RESF1: variants seen among roughly 807,000 people sequenced by gnomAD.
RESF1 encodes retroelement silencing factor 1.
RESF1 carries 65 observed loss-of-function variants against 134.7 expected under a neutral mutation model. That is an observed-to-expected ratio of 0.48 (90% CI 0.40 to 0.59). The LOEUF is 0.59. RESF1 is among the 20% of genes least tolerant of loss of function. The pLI is 0.00. For synonymous variants in RESF1, 762 were observed against 702.2 expected (o/e 1.09, Z -1.35); for missense variants, 2,274 against 2,002.7 (o/e 1.14, Z -2.59).
At chr12:31,979,195 C>T (rs1939713031) in intron 3 of RESF1, among the ~76,000 whole-genome samples, 1 of 152,204 alleles carries the variant, frequency 6.6e-6, no homozygotes, top group Admixed American at 6.5e-5. Context: ...GCTGGGATTA[C>T]AGGCGTGAGC....
Position 31,985,896 on chromosome 12 carries a change from C to T in RESF1, c.4941C>T (p.Asn1647=), listed in dbSNP as rs766334714. ...LCPDILLKNT[N]SVEERKDVKP... is the part of the protein sequence containing the mutation. The stretch of plus-strand genomic sequence containing the variant: ...CAGATATCTTACTAAAGAATACAAA[C>T]TCTGTGGAAGAACGGAAGGATGTAA... Residue 1647 remains asparagine, a synonymous_variant, in exon 4 of 6, where the codon AAC becomes AAT. Coordinates refer to ENST00000312561, the MANE Select transcript of RESF1 (RefSeq NM_018169.4). 4.6e-6 allele frequency: 7 copies of T among 1,524,376 alleles called. No homozygotes were observed. In the South Asian group the frequency reaches 9.5e-5, roughly 21 times the overall value. 94.4% of individuals were successfully genotyped at this position (1,524,376 alleles called of 1,614,324 possible). A position where few individuals can be genotyped will look rare whatever the true frequency, so the allele number is the denominator to read the frequency against.
intron 5 of RESF1, among the ~76,000 whole-genome samples, chr12:31,987,547 T>G (rs1224542688): frequency 6.6e-6 from 1 of 152,020 alleles, no homozygotes; most frequent in Non-Finnish European, 1.5e-5. Flanking sequence ...ATAAGTCTTA[T>G]CACAATGAGT....
intron 3 of RESF1, among the ~76,000 whole-genome samples, chr12:31,970,614 T>C (rs951074073): frequency 1.3e-5 from 2 of 152,234 alleles, no homozygotes; most frequent in Non-Finnish European, 2.9e-5. Flanking sequence ...TGGGGAGGTA[T>C]TGTGATACAA....
intron 2 of RESF1, among the ~76,000 whole-genome samples, chr12:31,966,348 G>A (rs967482255): frequency 7.2e-5 from 11 of 152,170 alleles, no homozygotes; most frequent in African/African-American, 1.4e-4. Flanking sequence ...CAGAATTCTC[G>A]TAGGGTAACT....
chr12:31,984,520 C>T lies in RESF1; in HGVS notation c.3565C>T (p.Gln1189Ter). The stretch of plus-strand genomic sequence containing the variant: ...GGTTTACGAAGGAGTACCCCAGTGT[C>T]AGTGTAATTCCATCAAGAACTCATC... ...SMVYEGVPQC[Q>*]CNSIKNSSSE... The change falls in exon 4 of 6, where the codon CAG (glutamine) becomes TAG (stop). Residue 1189 changes from glutamine to a stop codon, truncating the protein, a stop_gained. Transcript: ENST00000312561. LOFTEE classifies it high-confidence loss of function. The T allele has an allele frequency of 6.3e-7, 1 of 1,598,622 alleles. No homozygotes were observed. The highest frequency in any genetic ancestry group is 8.5e-7 in the Non-Finnish European group (1 of 1,171,910).
intron 5 of RESF1, among the ~76,000 whole-genome samples, chr12:31,988,280 C>G (rs374952880): frequency 2.0e-5 from 3 of 152,044 alleles, no homozygotes; most frequent in Non-Finnish European, 4.4e-5. Context: ...GTCAGCCCTC[C>G]GTATCTGCGT....
chr12:31,988,713 C>T (rs974009107), intron 5 of RESF1, among the ~76,000 whole-genome samples: 7 of 151,652 alleles, frequency 4.6e-5, no homozygotes, highest in South Asian at 4.2e-4. Flanking sequence ...TTTTTTGAGA[C>T]GGCATCTTGC....
chr12:31,964,184 C>T (rs144843541), intron 2 of RESF1, among the ~76,000 whole-genome samples: 51 of 147,672 alleles, frequency 3.5e-4, no homozygotes, highest in African/African-American at 1.0e-3. Context: ...TTTGGGGGTA[C>T]GTGTATAGGT....
At chr12:31,988,037 T>C (rs1415234114) in intron 5 of RESF1, among the ~76,000 whole-genome samples, 2 of 152,192 alleles carry the variant, frequency 1.3e-5, no homozygotes, top group African/African-American at 4.8e-5. Context: ...GCCTGGCCTC[T>C]AATTAAACTT....
At chr12:31,980,127 T>G (rs1258878754) in intron 3 of RESF1, among the ~76,000 whole-genome samples, 2 of 145,448 alleles carry the variant, frequency 1.4e-5, no homozygotes, top group Non-Finnish European at 3.0e-5. Context: ...TTTTTTTTTT[T>G]TGAAACAGAG....
chr12:31,962,604 C>G (rs979402984), intron 2 of RESF1: 1 of 152,084 alleles, frequency 6.6e-6, no homozygotes, highest in Non-Finnish European at 1.5e-5. Context: ...TTCATGATCG[C>G]AAAGATTTAA....
intron 3 of RESF1, among the ~76,000 whole-genome samples, chr12:31,972,864 T>G (rs1939543346): frequency 6.6e-6 from 1 of 152,198 alleles, no homozygotes; most frequent in East Asian, 1.9e-4. Context: ...ATAATTACAT[T>G]TACCTCTAAT....
intron 3 of RESF1, among the ~76,000 whole-genome samples, chr12:31,974,270 G>A (rs918772282): frequency 4.6e-5 from 7 of 151,854 alleles, no homozygotes; most frequent in African/African-American, 7.3e-5. Flanking sequence ...CAAAGACCAC[G>A]TATTAGTGCA....
chr12:31,962,220 TAAAA>T lies in RESF1; in HGVS notation c.-247+1364_-247+1367del, dbSNP rs33954876. ...GTAACAGAGCAAGATTCTGTCTTTT[TAAAA>T]AAAAAAAAAAAAAAGCATTTGTGAA... On this transcript the variant is annotated intron_variant, in intron 2 of 5. Coordinates refer to ENST00000312561, the MANE Select transcript of RESF1 (RefSeq NM_018169.4). Among the ~76,000 whole-genome samples, 12 of 132,664 alleles carry T rather than the reference TAAAA, an allele frequency of 9.0e-5. No individual in the cohort carries two copies. In the East Asian group the frequency reaches 2.6e-3, roughly 29 times the overall value. The allele number at this position is 132,664 out of a possible 152,430, so 87.0% of individuals were successfully genotyped here. A position where few individuals can be genotyped will look rare whatever the true frequency, so the allele number is the denominator to read the frequency against.
rs372445970 is a variant in RESF1 at position 31,985,919 on chromosome 12, T to C, written c.4964T>C (p.Val1655Ala). The part of the protein sequence containing the change: ...NTNSVEERKD[V>A]KPHPRKEQAP... ...AACTCTGTGGAAGAACGGAAGGATG[T>C]AAAGCCTCATCCTAGGAAGGAGCAA... Residue 1655 changes from valine to alanine, a missense_variant, in exon 4 of 6, where the codon GTA becomes GCA. By Grantham distance (64) the Val-to-Ala change is moderately conservative. Transcript: ENST00000312561. 6.6e-7 allele frequency: 1 copy of C among 1,507,520 alleles called. No homozygotes were observed. The highest frequency in any genetic ancestry group is 1.8e-4 in the Middle Eastern group (1 of 5,592). The allele number at this position is 1,507,520 out of a possible 1,614,324, so 93.4% of individuals were successfully genotyped here. A position where few individuals can be genotyped will look rare whatever the true frequency, so the allele number is the denominator to read the frequency against.
chr12:31,991,717 AT>A (rs1940095932), intron 5 of RESF1, among the ~76,000 whole-genome samples: 1 of 152,032 alleles, frequency 6.6e-6, no homozygotes, highest in Non-Finnish European at 1.5e-5. Flanking sequence ...TGCCCAGCTA[AT>A]TTTTGTATTT....
At chr12:31,966,263 C>T (rs964527228) in intron 2 of RESF1, among the ~76,000 whole-genome samples, 3 of 152,156 alleles carry the variant, frequency 2.0e-5, no homozygotes, top group Non-Finnish European at 2.9e-5. Context: ...CCATGGGCCG[C>T]GGATTGGACA....
chr12:31,982,729 C>T lies in RESF1; in HGVS notation c.1774C>T (p.Arg592Cys), dbSNP rs754040228. 6 of 1,613,706 alleles carry T rather than the reference C, an allele frequency of 3.7e-6. No individual in the cohort carries two copies. The highest frequency in any genetic ancestry group is 1.7e-5 in the Admixed American group (1 of 59,998). The change falls in exon 4 of 6, where the codon CGT (arginine) becomes TGT (cysteine). Residue 592 changes from arginine to cysteine, a missense_variant. Transcript: ENST00000312561. Reference protein sequence around the residue: ...MLLLALLSQARKTQKTVLKDA... With the variant: ...MLLLALLSQACKTQKTVLKDA... ...ACTTCTCGCTTTGCTTTCACAGGCA[C>T]GTAAGACTCAGAAGACAGTATTAAA...
Position 31,981,219 on chromosome 12 carries a change from TTCA to T in RESF1, c.265_267del (p.Ser89del). Reference sequence around the variant, plus strand: ...ATGGGACAGTTGTGGCCTCACACACTTCAGTAGAAAGAATAACATATGCAAATG... The same window carrying T: ...ATGGGACAGTTGTGGCCTCACACACTGTAGAAAGAATAACATATGCAAATG... On this transcript the variant is annotated inframe_deletion, in exon 4 of 6. Transcript: ENST00000312561. The T allele has an allele frequency of 6.2e-7, 1 of 1,614,114 alleles. No individual in the cohort carries two copies. Among genetic ancestry groups the T allele is most frequent in the Non-Finnish European group, 8.5e-7 (1 of 1,180,018 alleles).
Sources: allele counts gnomAD v4.1 joint callset (sites outside exome capture counted in the v4.1 genomes callset), GRCh38; gene constraint gnomAD v4.1.1; transcripts MANE v1.5; gene names NCBI Gene and HGNC (gene_info 2026-07-23, HGNC 2026-07-21).